ACIN1: variants seen among roughly 807,000 people sequenced by gnomAD.
ACIN1 encodes the protein apoptotic chromatin condensation inducer 1.
ACIN1 carries 16 observed loss-of-function variants against 146.6 expected under a neutral mutation model. That is an observed-to-expected ratio of 0.11 (90% CI 0.07 to 0.17). ACIN1 has a LOEUF of 0.17. Ranked by LOEUF, ACIN1 falls within the 10% of genes least tolerant of loss-of-function variation. The probability of loss-of-function intolerance (pLI) is 1.00; values close to 1 mark genes in which losing one functional copy is unlikely to be tolerated. For synonymous variants in ACIN1, 569 were observed against 582.7 expected (o/e 0.98, Z 0.34); for missense variants, 1,357 against 1,609.3 (o/e 0.84, Z 2.68).
chr14:23,066,051 C>G, intron 9 of ACIN1, 43 bp from the exon 10 acceptor site: 2 of 1,572,084 alleles, frequency 1.3e-6, no homozygotes, highest in Non-Finnish European at 1.7e-6. Context: ...GAAAGAGAGA[C>G]ACCCCACAGA....
chr14:23,094,423 C>CT, intron 1 of ACIN1: 6 of 974,390 alleles, frequency 6.2e-6, no homozygotes, highest in Non-Finnish European at 7.3e-6. Flanking sequence ...CAAATTGCCA[C>CT]TAGATGCCAC....
intron 18 of ACIN1, among the ~76,000 whole-genome samples, chr14:23,059,755 A>G (rs1476494689): frequency 6.8e-6 from 1 of 147,752 alleles, no homozygotes; most frequent in East Asian, 2.0e-4. Context: ...CCGGGTTCAC[A>G]CCATTCTCCT....
At position 23,078,858 on chromosome 14, in the gene ACIN1, C is replaced by A. The variant is rs372380278; in HGVS notation, c.1969G>T (p.Ala657Ser). The A allele has an allele frequency of 1.9e-6, 3 of 1,613,268 alleles. No homozygotes were observed. In the African/African-American group the frequency reaches 4.0e-5, roughly 22 times the overall value. Residue 657 changes from alanine to serine, a missense_variant, in exon 7 of 19, where the codon GCT becomes TCT. Around this residue, in one of 4 missense-constraint regions of ACIN1, gnomAD observed 771 missense variants for 746.6 expected, o/e 1.03. Transcript: ENST00000605057. ...QARRLSQPESAEKHVTQRLQP... is the reference protein window; with the variant it reads ...QARRLSQPESSEKHVTQRLQP... ...AACCTCTGGGTCACATGCTTTTCAG[C>A]TGATTCAGGCTGACTCAGACGCCTT...
Position 23,067,545 on chromosome 14 carries a change from A to C in ACIN1, c.2266-1537T>G. On this transcript the variant is annotated intron_variant, in intron 9 of 18. Coordinates refer to ENST00000605057, the MANE Select transcript of ACIN1 (RefSeq NM_001386863.1). This position sits in a 1 kb window ranked among gnomAD's most constrained non-coding sequence, Gnocchi z 4.6. ...GGGGGGACGCTGCCCAGTTTCCATG[A>C]TGTCAAGACAGTTCACTGGCGGTGG... 1.0e-6 allele frequency: 1 copy of C among 985,754 alleles called. No individual in the cohort carries two copies. The highest frequency in any genetic ancestry group is 4.7e-5 in the South Asian group (1 of 21,276). 61.1% of individuals were successfully genotyped at this position (985,754 alleles called of 1,614,324 possible). A position where few individuals can be genotyped will look rare whatever the true frequency, so the allele number is the denominator to read the frequency against.
chr14:23,078,906 T>G lies in ACIN1; in HGVS notation c.1921A>C (p.Thr641Pro). 1 of 1,613,998 alleles carries G rather than the reference T, an allele frequency of 6.2e-7. No individual in the cohort carries two copies. Among genetic ancestry groups the G allele is most frequent in the Non-Finnish European group, 8.5e-7 (1 of 1,179,994 alleles). The change falls in exon 7 of 19, where the codon ACC becomes CCC. Residue 641 changes from threonine (T) to proline (P), a missense_variant. Around this residue, in one of 4 missense-constraint regions of ACIN1, gnomAD observed 771 missense variants for 746.6 expected, o/e 1.03. Coordinates refer to ENST00000605057, the MANE Select transcript of ACIN1 (RefSeq NM_001386863.1). Reference protein sequence around the residue: ...QVCEPKERTSTSSSSVQARRL... With the variant: ...QVCEPKERTSPSSSSVQARRL... ...CTTGCTTGGACAGAGGATGAGGAGG[T>G]GGAAGTCCTCTCCTTTGGCTCACAG...
intron 2 of ACIN1, 82 bp downstream of exon 2, chr14:23,093,397 G>T: frequency 7.4e-7 from 1 of 1,344,582 alleles, no homozygotes; most frequent in Non-Finnish European, 1.1e-6. Flanking sequence ...GAGGACTTAA[G>T]CATCAAATAT....
intron 8 of ACIN1, chr14:23,071,657 T>A: frequency 7.9e-7 from 1 of 1,262,168 alleles, no homozygotes; most frequent in Non-Finnish European, 1.1e-6. Context: ...AGCAAGGTTC[T>A]TATCCTTTGG....
chr14:23,081,922 C>A (rs1311593163), intron 4 of ACIN1, 86 bp from the exon 5 acceptor site: 1 of 1,012,586 alleles, frequency 9.9e-7, no homozygotes, highest in Admixed American at 2.1e-5. Context: ...TAATATCCAA[C>A]CAATTATAGC....
At position 23,080,563 on chromosome 14, in the gene ACIN1, G is replaced by A; in HGVS notation, c.772C>T (p.Pro258Ser). 6.2e-7 allele frequency: 1 copy of A among 1,613,860 alleles called. No individual in the cohort carries two copies. Among genetic ancestry groups the A allele is most frequent in the Non-Finnish European group, 8.5e-7 (1 of 1,179,966 alleles). ...EEGEEIPRVK[P>S]EEMMDERPKT... ...GGTCTCTCATCCATCATCTCCTCTG[G>A]TTTTACTCTAGGTATCTCTTCCCCT... The change falls in exon 6 of 19, where the codon CCA (proline) becomes TCA (serine). Residue 258 changes from proline (P) to serine (S), a missense_variant. Physicochemically the swap from Pro to Ser is moderately conservative, Grantham distance 74 (BLOSUM62 -1). Coordinates refer to ENST00000605057, the MANE Select transcript of ACIN1 (RefSeq NM_001386863.1).
intron 5 of ACIN1, 38 bp from the exon 6 acceptor site, chr14:23,080,847 G>A (rs760220160): frequency 6.4e-7 from 1 of 1,552,250 alleles, no homozygotes; most frequent in Admixed American, 1.9e-5. Flanking sequence ...AAATGTATTT[G>A]CTCACAGTCA....
chr14:23,078,748 T>C, intron 7 of ACIN1, 72 bp downstream of exon 7: 6 of 1,491,200 alleles, frequency 4.0e-6, no homozygotes, highest in East Asian at 4.7e-5. Context: ...TTTTTAGTTT[T>C]ATAGCAAAGA....
intron 8 of ACIN1, among the ~76,000 whole-genome samples, chr14:23,073,062 C>T (rs950442071): frequency 6.6e-6 from 1 of 152,226 alleles, no homozygotes; most frequent in African/African-American, 2.4e-5. Flanking sequence ...CTTAATAGGC[C>T]ATTATCTCAT....
At chr14:23,082,753 T>C (rs543255823) in intron 4 of ACIN1, among the ~76,000 whole-genome samples, 3 of 150,062 alleles carry the variant, frequency 2.0e-5, no homozygotes, top group African/African-American at 7.4e-5. Context: ...CTTTTTTTTT[T>C]TTTGAGACAG....
At position 23,063,536 on chromosome 14, in the gene ACIN1, T is replaced by G; in HGVS notation, c.2637A>C (p.Glu879Asp). 1 of 1,614,200 alleles carries G rather than the reference T, an allele frequency of 6.2e-7. No homozygotes were observed. Among genetic ancestry groups the G allele is most frequent in the Admixed American group, 1.7e-5 (1 of 60,018 alleles). Residue 879 changes from glutamate (E) to aspartate (D), a missense_variant, in exon 13 of 19, where the codon GAA (glutamate) becomes GAC (aspartate). By Grantham distance (45) the Glu-to-Asp change is conservative (BLOSUM62 2). This residue lies in a region of ACIN1 where 509 missense variants were observed against 719.6 expected (regional missense o/e 0.71). Coordinates refer to ENST00000605057, the MANE Select transcript of ACIN1 (RefSeq NM_001386863.1). ...AEGQENGQREEEEEEKEPEAE... is the reference protein window; with the variant it reads ...AEGQENGQREDEEEEKEPEAE... Reference sequence around the variant, plus strand: ...CTTCAGGTTCCTTCTCTTCTTCCTCTTCTTCCCTCTGCCCATTCTCCTGGC... The same window carrying G: ...CTTCAGGTTCCTTCTCTTCTTCCTCGTCTTCCCTCTGCCCATTCTCCTGGC...
rs116274198 is a variant in ACIN1 at position 23,093,524 on chromosome 14, T to C, written c.159A>G (p.Leu53=). The change falls in exon 2 of 19, where the codon TTA becomes TTG. Residue 53 remains leucine, a synonymous_variant. Transcript: ENST00000605057. ...RLKGALMLEN[L]QKHSTPHAAF... is the part of the protein sequence containing the mutation. The stretch of plus-strand genomic sequence containing the variant: ...CAGCATGGGGTGTTGAGTGTTTCTG[T>C]AAATTTTCTAGCATTAGAGCCTGGT... 1,859 of 1,614,082 alleles carry C rather than the reference T, an allele frequency of 1.2e-3. 16 individuals carry two copies. The African/African-American group carries it at 0.021, about 18-fold the overall frequency.
intron 8 of ACIN1, chr14:23,076,638 TCA>T (rs1177181573): frequency 6.6e-6 from 1 of 152,142 alleles, no homozygotes; most frequent in Non-Finnish European, 1.5e-5. Flanking sequence ...TTTCAGAAAA[TCA>T]CTTTCTTCCC....
At position 23,068,152 on chromosome 14, in the gene ACIN1, C is replaced by T. The variant is rs2047515785; in HGVS notation, c.2265+1324G>A. 1 of 985,936 alleles carries T rather than the reference C, an allele frequency of 1.0e-6. No individual in the cohort carries two copies. 61.1% of individuals were successfully genotyped at this position (985,936 alleles called of 1,614,324 possible). ...AGCATTAAATCCCCAGGGGCTCAGACCCTAGACTCCTCTGCACGGTTCCTA... is the reference window on the plus strand; with the variant it reads ...AGCATTAAATCCCCAGGGGCTCAGATCCTAGACTCCTCTGCACGGTTCCTA... On this transcript the variant is annotated intron_variant, in intron 9 of 18. Coordinates refer to ENST00000605057, the MANE Select transcript of ACIN1 (RefSeq NM_001386863.1). This position sits in a 1 kb window ranked among gnomAD's most constrained non-coding sequence, Gnocchi z 4.3.
At chr14:23,071,157 T>TC in intron 8 of ACIN1, 1 of 1,551,108 alleles carries the variant, frequency 6.4e-7, no homozygotes, top group Non-Finnish European at 8.7e-7. Flanking sequence ...TGATTTTTTT[T>TC]CTCCCCCTGG....
intron 12 of ACIN1, among the ~76,000 whole-genome samples, 172 bp downstream of exon 12, chr14:23,063,933 G>A (rs114527130): frequency 6.6e-6 from 1 of 152,194 alleles, no homozygotes; most frequent in Non-Finnish European, 1.5e-5. Flanking sequence ...AACTTTATTT[G>A]TAACAGGTAG....
Sources: gnomAD v4.1 joint callset for allele counts (sites outside exome capture counted in the v4.1 genomes callset) on GRCh38, gnomAD v4.1.1 for gene constraint, gnomAD v4.1.1 regional missense constraint, Gnocchi (gnomAD v3.1) non-coding constraint, MANE v1.5 for transcripts, NCBI Gene and HGNC (gene_info 2026-07-23, HGNC 2026-07-21) for gene names.